Variants in JAK1 observed in about 807,000 individuals in gnomAD.
The protein encoded by JAK1 is Janus kinase 1.
In JAK1, 16 loss-of-function variants were observed where a neutral mutation model predicts 136.6. The observed-to-expected ratio is 0.12, with a 90% CI of 0.08 to 0.18. The LOEUF (loss-of-function observed/expected upper bound fraction) is 0.18, where lower values mean the gene tolerates loss of function less well. Ranked by LOEUF, JAK1 falls within the 10% of genes least tolerant of loss-of-function variation. The probability of loss-of-function intolerance (pLI) is 1.00; values close to 1 mark genes in which losing one functional copy is unlikely to be tolerated. For missense variants in JAK1, 859 were observed against 1,450.1 expected, an observed-to-expected ratio of 0.59 and a Z score of 6.62; for synonymous variants, 492 against 519.5, an observed-to-expected ratio of 0.95 and a Z score of 0.72.
At chr1:64,936,548 T>C (rs1645792270) in intron 1 of JAK1, among the ~76,000 whole-genome samples, 1 of 152,134 alleles carries the variant, frequency 6.6e-6, no homozygotes, top group Non-Finnish European at 1.5e-5. Context: ...CCATCACCTG[T>C]CTAGACACCC....
intron 1 of JAK1, among the ~76,000 whole-genome samples, chr1:64,933,880 T>A (rs2100466642): frequency 6.6e-6 from 1 of 152,342 alleles, no homozygotes; most frequent in Non-Finnish European, 1.5e-5. Flanking sequence ...AGTGACTAAC[T>A]TTGAATCATT....
intron 1 of JAK1, among the ~76,000 whole-genome samples, chr1:64,898,569 C>T (rs1321318410): frequency 6.6e-6 from 1 of 152,176 alleles, no homozygotes; most frequent in East Asian, 1.9e-4. Flanking sequence ...CATATCAGAC[C>T]TTCTCAGGCA....
intron 1 of JAK1, among the ~76,000 whole-genome samples, chr1:64,893,320 A>G (rs554289682): frequency 7.1e-4 from 108 of 152,260 alleles, no homozygotes; most frequent in Non-Finnish European, 1.4e-3. Context: ...AAAGAGGCCC[A>G]TGTTCCAGCC....
chr1:64,985,907 C>T (rs1193995653), intron 2 of JAK1: 2 of 747,266 alleles, frequency 2.7e-6, no homozygotes, highest in Non-Finnish European at 4.6e-6. Context: ...TAGACAAGCA[C>T]CAAAGGGACA....
chr1:65,051,953 C>T (rs1197350581), intron 1 of JAK1, among the ~76,000 whole-genome samples: 1 of 152,014 alleles, frequency 6.6e-6, no homozygotes, highest in Non-Finnish European at 1.5e-5. Context: ...TGTTCCATAC[C>T]TGCTTGCTTA....
chr1:64,958,871 A>G (rs973511636), intron 1 of JAK1, among the ~76,000 whole-genome samples: 1 of 152,246 alleles, frequency 6.6e-6, no homozygotes, highest in African/African-American at 2.4e-5. Flanking sequence ...AAAAACAAAT[A>G]AGAGTTGCAT....
chr1:64,858,889 T>C (rs914444651), intron 9 of JAK1, among the ~76,000 whole-genome samples: 3 of 152,078 alleles, frequency 2.0e-5, no homozygotes, highest in African/African-American at 7.2e-5. Context: ...ACTTCACGGA[T>C]AAGGTGATAT....
intron 1 of JAK1, among the ~76,000 whole-genome samples, chr1:64,893,431 T>C (rs1644969164): frequency 6.6e-6 from 1 of 152,150 alleles, no homozygotes; most frequent in African/African-American, 2.4e-5. Flanking sequence ...CAAAGTTCCT[T>C]ATAGAAGCAG....
chr1:64,926,641 C>T (rs1397412885), intron 1 of JAK1, among the ~76,000 whole-genome samples: 1 of 152,126 alleles, frequency 6.6e-6, no homozygotes, highest in Non-Finnish European at 1.5e-5. Context: ...CCATTCTATA[C>T]ACATTTTGTT....
intron 1 of JAK1, among the ~76,000 whole-genome samples, chr1:65,059,150 A>C (rs1384465056): frequency 6.6e-6 from 1 of 152,100 alleles, no homozygotes; most frequent in Non-Finnish European, 1.5e-5. Flanking sequence ...GGCAGAAAAA[A>C]AAAAAAAAAA....
Position 64,857,786 on chromosome 1 carries a change from G to C in JAK1, c.1335-7C>G, listed in dbSNP as rs201443299. 1.5e-4 allele frequency: 242 copies of C among 1,613,996 alleles called. 1 individual carries two copies. In the Admixed American group the frequency reaches 3.9e-3, roughly 26 times the overall value. The stretch of plus-strand genomic sequence containing the variant: ...ATTGATGGCGTATTCTGTACTAGAG[G>C]GAGAAGTAGGCAAAGGGAGAAAGAG... On this transcript the variant is annotated splice_region_variant and splice_polypyrimidine_tract_variant and intron_variant, in intron 9 of 24. Coordinates refer to ENST00000342505, the MANE Select transcript of JAK1 (RefSeq NM_002227.4).
chr1:65,005,048 C>T (rs564304119), intron 2 of JAK1, among the ~76,000 whole-genome samples: 56 of 152,262 alleles, frequency 3.7e-4, no homozygotes, highest in African/African-American at 1.2e-3. Flanking sequence ...TTTTCCCATA[C>T]TGTGATTTCT....
chr1:64,883,548 C>A, intron 2 of JAK1, 73 bp from the exon 3 acceptor site: 1 of 1,329,492 alleles, frequency 7.5e-7, no homozygotes, highest in South Asian at 1.3e-5. Flanking sequence ...AGGGAGTGTT[C>A]TGAAGGTAAA....
chr1:65,031,390 T>C (rs1025557020), intron 2 of JAK1, among the ~76,000 whole-genome samples: 3 of 152,134 alleles, frequency 2.0e-5, no homozygotes, highest in African/African-American at 7.2e-5. Flanking sequence ...AGTTATTTTG[T>C]AGAACATTCT....
chr1:64,866,233 G>C (rs1221277557), intron 7 of JAK1, among the ~76,000 whole-genome samples: 1 of 152,176 alleles, frequency 6.6e-6, no homozygotes, highest in African/African-American at 2.4e-5. Flanking sequence ...TTTAGCTGCT[G>C]ATAAAGGTGA....
chr1:64,931,098 G>A (rs1645683431), intron 1 of JAK1, among the ~76,000 whole-genome samples: 1 of 152,076 alleles, frequency 6.6e-6, no homozygotes, highest in South Asian at 2.1e-4. Context: ...GTATACCTAT[G>A]TAACAAACCT....
intron 1 of JAK1, among the ~76,000 whole-genome samples, chr1:65,046,177 C>A (rs768788713): frequency 2.0e-5 from 3 of 152,132 alleles, no homozygotes; most frequent in Non-Finnish European, 4.4e-5. Flanking sequence ...ATCAGCAATC[C>A]TTGGTTCCAC....
chr1:65,029,447 G>C (rs772396386), intron 2 of JAK1, among the ~76,000 whole-genome samples: 22 of 152,022 alleles, frequency 1.4e-4, no homozygotes, highest in Non-Finnish European at 2.9e-4. Context: ...ATTTGACCCA[G>C]CAATCCCATT....
intron 1 of JAK1, among the ~76,000 whole-genome samples, chr1:64,913,663 G>A (rs931450465): frequency 1.1e-4 from 2 of 19,012 alleles, no homozygotes; most frequent in Non-Finnish European, 3.3e-4. Flanking sequence ...AAAGAAGGAA[G>A]GAAGGAAGGA....
Sources: allele counts gnomAD v4.1 joint callset (sites outside exome capture counted in the v4.1 genomes callset), GRCh38; gene constraint gnomAD v4.1.1; transcripts MANE v1.5; gene names NCBI Gene and HGNC (gene_info 2026-07-23, HGNC 2026-07-21).